SLC25A21: variants seen among roughly 807,000 people sequenced by gnomAD.
SLC25A21 encodes the protein solute carrier family 25 member 21.
SLC25A21 carries 47 observed loss-of-function variants against 43.8 expected under a neutral mutation model. That is an observed-to-expected ratio of 1.07 (90% CI 0.85 to 1.37). The LOEUF (loss-of-function observed/expected upper bound fraction) is 1.37. Among genes scored for constraint, SLC25A21 ranks in the 40% most tolerant of loss-of-function variants. The probability of loss-of-function intolerance (pLI) is 0.00; values close to 1 mark genes in which losing one functional copy is unlikely to be tolerated. For missense variants in SLC25A21, 352 were observed against 350.2 expected, an observed-to-expected ratio of 1.00 and a Z score of -0.04; for synonymous variants, 131 against 121.3, an observed-to-expected ratio of 1.08 and a Z score of -0.52.
At chr14:37,054,865 A>C (rs1426983594) in intron 1 of SLC25A21, among the ~76,000 whole-genome samples, 1 of 152,240 alleles carries the variant, frequency 6.6e-6, no homozygotes, top group East Asian at 1.9e-4. Flanking sequence ...CAAATATCAA[A>C]TCCAAACTCT....
chr14:37,054,541 A>G (rs1961779454), intron 1 of SLC25A21, among the ~76,000 whole-genome samples: 1 of 152,302 alleles, frequency 6.6e-6, no homozygotes, highest in South Asian at 2.1e-4. Flanking sequence ...CTTTGACACT[A>G]GGTAGTGGCA....
intron 2 of SLC25A21, among the ~76,000 whole-genome samples, chr14:36,833,308 GC>G (rs1889099285): frequency 6.6e-6 from 1 of 152,226 alleles, no homozygotes; most frequent in Admixed American, 6.5e-5. Context: ...CCCTTGTGAT[GC>G]CAGGAAGGCA....
At chr14:36,687,442 CT>C (rs1404124909) in intron 7 of SLC25A21, among the ~76,000 whole-genome samples, 1 of 152,162 alleles carries the variant, frequency 6.6e-6, no homozygotes, top group Non-Finnish European at 1.5e-5. Context: ...GCTCCTGAGG[CT>C]GCCAGATAAG....
chr14:36,955,883 C>T (rs1346654256), intron 1 of SLC25A21, among the ~76,000 whole-genome samples: 2 of 152,122 alleles, frequency 1.3e-5, no homozygotes, highest in Non-Finnish European at 2.9e-5. Flanking sequence ...CTGTTCAAAT[C>T]CCAGCTTGGT....
chr14:36,904,012 A>T (rs944535897), intron 1 of SLC25A21, among the ~76,000 whole-genome samples: 4 of 152,246 alleles, frequency 2.6e-5, no homozygotes, highest in Non-Finnish European at 4.4e-5. Flanking sequence ...GCAATTGAGG[A>T]CAAACTGTCA....
At chr14:36,924,665 T>C (rs2138628943) in intron 1 of SLC25A21, among the ~76,000 whole-genome samples, 1 of 151,568 alleles carries the variant, frequency 6.6e-6, no homozygotes, top group Non-Finnish European at 1.5e-5. Flanking sequence ...CCCTAGAACT[T>C]AAAGTATAAT....
intron 6 of SLC25A21, among the ~76,000 whole-genome samples, chr14:36,716,096 T>TAATAAATA (rs112429500): frequency 1.0e-3 from 159 of 151,462 alleles, no homozygotes; most frequent in African/African-American, 3.7e-3. Flanking sequence ...GTCTCAAAAA[T>TAATAAATA]AATAAATAAA....
intron 1 of SLC25A21, among the ~76,000 whole-genome samples, chr14:37,164,359 T>G (rs2138953785): frequency 6.6e-6 from 1 of 152,282 alleles, no homozygotes; most frequent in East Asian, 1.9e-4. Context: ...GGGTTATTTT[T>G]TTCTCCCTAA....
chr14:36,962,078 G>A (rs973699855), intron 1 of SLC25A21, among the ~76,000 whole-genome samples: 4 of 152,084 alleles, frequency 2.6e-5, no homozygotes, highest in Non-Finnish European at 2.9e-5. Context: ...GGTTCTTTCC[G>A]AACCACTCAT....
At chr14:36,889,202 C>T (rs1248254556) in intron 1 of SLC25A21, among the ~76,000 whole-genome samples, 1 of 152,116 alleles carries the variant, frequency 6.6e-6, no homozygotes, top group Admixed American at 6.6e-5. Flanking sequence ...AGGTTGACTC[C>T]ATTTCACAGA....
intron 7 of SLC25A21, among the ~76,000 whole-genome samples, chr14:36,693,144 T>C (rs1882863872): frequency 6.6e-6 from 1 of 152,258 alleles, no homozygotes; most frequent in Non-Finnish European, 1.5e-5. Flanking sequence ...TAGTAATACA[T>C]TTTTGAAAAT....
chr14:36,739,063 T>C lies in SLC25A21; in HGVS notation c.204-4490A>G, dbSNP rs183958822. ...TGTCCTTGACCACCAGGCTATACTG[T>C]ATAGCTTTTTTTAAAACAACTATTT... is the stretch of plus-strand genomic sequence containing the variant. On this transcript the variant is annotated intron_variant, in intron 3 of 9. Transcript: ENST00000331299. Among the ~76,000 whole-genome samples the C allele has an allele frequency of 3.9e-5, 6 of 152,326 alleles. No individual in the cohort carries two copies. The East Asian group carries it at 9.6e-4, about 24-fold the overall frequency.
intron 7 of SLC25A21, among the ~76,000 whole-genome samples, chr14:36,704,143 C>T (rs1430772403): frequency 6.6e-6 from 1 of 152,158 alleles, no homozygotes; most frequent in African/African-American, 2.4e-5. Context: ...CATAGGGCAT[C>T]ATTTTCAAAC....
chr14:36,886,764 A>G (rs1324714949), intron 1 of SLC25A21, among the ~76,000 whole-genome samples: 3 of 152,212 alleles, frequency 2.0e-5, no homozygotes, highest in African/African-American at 7.2e-5. Flanking sequence ...TATGTAAGTC[A>G]ATTTCAGCTC....
At chr14:36,707,790 A>G (rs1883643831) in intron 7 of SLC25A21, among the ~76,000 whole-genome samples, 1 of 152,362 alleles carries the variant, frequency 6.6e-6, no homozygotes, top group South Asian at 2.1e-4. Flanking sequence ...ACACTACTGT[A>G]CAGAGAAGAT....
At chr14:37,091,324 C>T (rs1287154543) in intron 1 of SLC25A21, among the ~76,000 whole-genome samples, 1 of 151,894 alleles carries the variant, frequency 6.6e-6, no homozygotes, top group Non-Finnish European at 1.5e-5. Context: ...ACCCCAGCTA[C>T]TCGGGAGGCT....
At chr14:36,814,093 G>A (rs1376175171) in intron 2 of SLC25A21, 92 bp from the exon 3 acceptor site, 2 of 768,654 alleles carry the variant, frequency 2.6e-6, no homozygotes, top group African/African-American at 3.6e-5. Context: ...CAGCTTTTCA[G>A]ATTAATCTAG....
In SLC25A21 at chr14:36,679,872, G is replaced by A. The variant is rs1170325778; in HGVS notation, c.*786C>T. ...AAAACTTATCTTCAAAGAGAACTAT[G>A]TGGAGGAAAGTAAATTTTATTTCAT... On this transcript the variant is annotated 3_prime_UTR_variant, in exon 10 of 10. Coordinates refer to ENST00000331299, the MANE Select transcript of SLC25A21 (RefSeq NM_030631.4). The A allele has an allele frequency of 1.0e-6, 1 of 978,732 alleles. No individual in the cohort carries two copies. The highest frequency in any genetic ancestry group is 1.8e-5 in the African/African-American group (1 of 57,046). The allele number at this position is 978,732 out of a possible 1,614,324, so 60.6% of individuals were successfully genotyped here. A position where few individuals can be genotyped will look rare whatever the true frequency, so the allele number is the denominator to read the frequency against.
rs562655627 is a variant in SLC25A21 at position 37,087,093 on chromosome 14, C to T, written c.70+85188G>A. Among the ~76,000 whole-genome samples the T allele has an allele frequency of 8.2e-4, 125 of 152,264 alleles. 1 individual carries two copies. The highest frequency in any genetic ancestry group is 4.1e-3 in the South Asian group (20 of 4,822). On this transcript the variant is annotated intron_variant, in intron 1 of 9. Coordinates refer to ENST00000331299, the MANE Select transcript of SLC25A21 (RefSeq NM_030631.4). ...TGCTAAGTTTAGACTAGACGCTTTT[C>T]GTGAACAGTCACATCTTTCTTCATT...
Sources: gnomAD v4.1 joint callset for allele counts (sites outside exome capture counted in the v4.1 genomes callset) on GRCh38, gnomAD v4.1.1 for gene constraint, MANE v1.5 for transcripts, NCBI Gene and HGNC (gene_info 2026-07-23, HGNC 2026-07-21) for gene names.